The following SPSB4 variants were observed in gnomAD, a reference collection of about 807,000 sequenced individuals.
The protein encoded by SPSB4 is SPRY domain-containing SOCS box protein 4.
SPSB4 carries 21 observed loss-of-function variants against 20.9 expected under a neutral mutation model. The ratio of observed to expected loss-of-function variants is 1.01; its 90% CI spans 0.71 to 1.45. SPSB4 has a LOEUF of 1.45. SPSB4 is among the 40% of genes most tolerant of loss of function. The probability of loss-of-function intolerance (pLI) is 0.00; values close to 1 mark genes in which losing one functional copy is unlikely to be tolerated. For missense variants in SPSB4, 399 were observed against 399.2 expected, an observed-to-expected ratio of 1.00 and a Z score of 0.00; for synonymous variants, 207 against 183.8, an observed-to-expected ratio of 1.13 and a Z score of -1.02.
At chr3:141,118,511 T>A (rs535798254) in intron 2 of SPSB4, among the ~76,000 whole-genome samples, 1 of 152,322 alleles carries the variant, frequency 6.6e-6, no homozygotes, top group East Asian at 1.9e-4. Flanking sequence ...GCCATTTGTC[T>A]ATTTTGGCTT....
chr3:141,133,852 T>C (rs1050301952), intron 2 of SPSB4, among the ~76,000 whole-genome samples: 3 of 152,120 alleles, frequency 2.0e-5, no homozygotes, highest in African/African-American at 7.2e-5. Context: ...GGGAATTGCA[T>C]TGAATTTGTA....
chr3:141,136,589 A>T (rs1409766207), intron 2 of SPSB4, among the ~76,000 whole-genome samples: 1 of 152,196 alleles, frequency 6.6e-6, no homozygotes, highest in Non-Finnish European at 1.5e-5. Context: ...CCATTGATTA[A>T]ATAGGGAATG....
chr3:141,135,952 CCCA>C (rs1262024628), intron 2 of SPSB4, among the ~76,000 whole-genome samples: 1 of 152,144 alleles, frequency 6.6e-6, no homozygotes, highest in Non-Finnish European at 1.5e-5. Flanking sequence ...AGTTTACAGT[CCCA>C]CCAACAGTGT....
intron 2 of SPSB4, among the ~76,000 whole-genome samples, chr3:141,134,966 G>T (rs536649370): frequency 6.6e-6 from 1 of 150,820 alleles, no homozygotes; most frequent in East Asian, 2.0e-4. Flanking sequence ...TAAGCATACT[G>T]TTCAGTGAAT....
intron 2 of SPSB4, among the ~76,000 whole-genome samples, chr3:141,073,292 C>T (rs577873941): frequency 8.5e-5 from 13 of 152,288 alleles, no homozygotes; most frequent in East Asian, 7.7e-4. Flanking sequence ...TTTCTGATTG[C>T]GGTGCTGAGC....
intron 2 of SPSB4, among the ~76,000 whole-genome samples, chr3:141,126,416 G>C (rs915156982): frequency 6.6e-6 from 1 of 152,090 alleles, no homozygotes; most frequent in Non-Finnish European, 1.5e-5. Context: ...TGGAATGGAA[G>C]CTGACCCCAA....
At chr3:141,114,657 C>A (rs547025192) in intron 2 of SPSB4, among the ~76,000 whole-genome samples, 4 of 152,196 alleles carry the variant, frequency 2.6e-5, no homozygotes, top group African/African-American at 9.7e-5. Flanking sequence ...TTGTTATCCA[C>A]GGTCAAGGGC....
At chr3:141,062,049 T>A (rs1171514856) in intron 1 of SPSB4, among the ~76,000 whole-genome samples, 1 of 152,228 alleles carries the variant, frequency 6.6e-6, no homozygotes, top group Non-Finnish European at 1.5e-5. Flanking sequence ...ATATCCTTTT[T>A]CTGTTCCAGA....
chr3:141,071,736 C>T (rs1022101730), intron 2 of SPSB4, among the ~76,000 whole-genome samples: 2 of 152,226 alleles, frequency 1.3e-5, no homozygotes, highest in Admixed American at 6.5e-5. Context: ...CAGGGTGGAG[C>T]GTGGAAATAC....
chr3:141,088,805 T>C (rs1407886832), intron 2 of SPSB4, among the ~76,000 whole-genome samples: 1 of 152,178 alleles, frequency 6.6e-6, no homozygotes, highest in African/African-American at 2.4e-5. Context: ...TGTCTCACTT[T>C]CTCCGTCTCT....
chr3:141,137,744 T>G (rs541260427), intron 2 of SPSB4, among the ~76,000 whole-genome samples: 8 of 152,364 alleles, frequency 5.3e-5, no homozygotes, highest in Admixed American at 1.3e-4. Flanking sequence ...TGCCAGTGTT[T>G]TACTGAGGAT....
intron 2 of SPSB4, among the ~76,000 whole-genome samples, chr3:141,124,358 C>T (rs1939017646): frequency 6.6e-6 from 1 of 152,120 alleles, no homozygotes; most frequent in African/African-American, 2.4e-5. Context: ...TTTCCCAAAC[C>T]CCAAATTAGG....
intron 1 of SPSB4, among the ~76,000 whole-genome samples, chr3:141,065,450 C>G (rs1334552221): frequency 6.6e-6 from 1 of 152,130 alleles, no homozygotes; most frequent in Non-Finnish European, 1.5e-5. Flanking sequence ...CAGCTGTGTG[C>G]CCCCCAGCCT....
intron 2 of SPSB4, chr3:141,132,291 C>G (rs1414143855): frequency 1.9e-5 from 7 of 374,874 alleles, no homozygotes; most frequent in Non-Finnish European, 3.6e-5. Flanking sequence ...CCTCAGCTTC[C>G]CGAGTAGCTG....
At chr3:141,103,965 C>T (rs922250903) in intron 2 of SPSB4, among the ~76,000 whole-genome samples, 6 of 151,960 alleles carry the variant, frequency 3.9e-5, no homozygotes, top group Admixed American at 6.6e-5. Flanking sequence ...AAAGTAGGTT[C>T]GTCACTTAAA....
At chr3:141,054,237 T>C (rs1936143525) in intron 1 of SPSB4, among the ~76,000 whole-genome samples, 1 of 152,206 alleles carries the variant, frequency 6.6e-6, no homozygotes. Context: ...GAAAGGTTTT[T>C]TCTCTGTTGA....
At chr3:141,100,188 CAG>C (rs1324658388) in intron 2 of SPSB4, among the ~76,000 whole-genome samples, 1 of 152,200 alleles carries the variant, frequency 6.6e-6, no homozygotes, top group African/African-American at 2.4e-5. Context: ...AGAAAATAGA[CAG>C]AAGTGTTATG....
intron 2 of SPSB4, among the ~76,000 whole-genome samples, chr3:141,110,159 CCTGTCCCAGGGCTGGAGTT>C (rs1299132850): frequency 1.3e-5 from 2 of 152,168 alleles, no homozygotes; most frequent in African/African-American, 4.8e-5. Flanking sequence ...AGGCCTCAGC[CCTGTCCCAGGGCTGGAGTT>C]CTGTCCCCAA....
At chr3:141,083,953 T>C (rs1163363350) in intron 2 of SPSB4, among the ~76,000 whole-genome samples, 1 of 152,046 alleles carries the variant, frequency 6.6e-6, no homozygotes. Flanking sequence ...ACTCTGAAGT[T>C]GGGCAGAAAG....
Sources: gnomAD v4.1 joint callset for allele counts (sites outside exome capture counted in the v4.1 genomes callset) on GRCh38, gnomAD v4.1.1 for gene constraint, MANE v1.5 for transcripts, NCBI Gene and HGNC (gene_info 2026-07-23, HGNC 2026-07-21) for gene names.